The following AGBL4 variants were observed in gnomAD, a reference collection of about 807,000 sequenced individuals.
The protein encoded by AGBL4 is cytosolic carboxypeptidase 6.
Under a neutral mutation model 66.4 loss-of-function variants are expected in AGBL4, and 58 were observed. The observed-to-expected ratio is 0.87, with a 90% CI of 0.71 to 1.09. The LOEUF (loss-of-function observed/expected upper bound fraction) is 1.09. Ranked by LOEUF, AGBL4 falls within the 50% of genes least tolerant of loss-of-function variation. AGBL4 has a pLI of 0.00. For missense variants in AGBL4, 579 were observed against 631.0 expected (o/e 0.92, Z 0.88); for synonymous variants, 234 against 222.9 (o/e 1.05, Z -0.44).
downstream of AGBL4, among the ~76,000 whole-genome samples, chr1:48,528,010 T>C (rs1033850320): frequency 1.7e-4 from 26 of 151,744 alleles, no homozygotes; most frequent in Non-Finnish European, 2.6e-4. Context: ...AGGTAGGAAA[T>C]AATGGTGGGA....
intron 1 of AGBL4, among the ~76,000 whole-genome samples, chr1:49,885,903 A>C (rs1050818973): frequency 6.6e-6 from 1 of 152,176 alleles, no homozygotes; most frequent in African/African-American, 2.4e-5. Context: ...TGTGGACCTA[A>C]GGCTGAATAC....
intron 2 of AGBL4, among the ~76,000 whole-genome samples, chr1:49,698,054 T>C (rs537541496): frequency 1.3e-5 from 2 of 152,280 alleles, no homozygotes; most frequent in Admixed American, 1.3e-4. Flanking sequence ...AAAAAATGTG[T>C]AAACTTAGGT....
intron 5 of AGBL4, among the ~76,000 whole-genome samples, chr1:48,993,704 G>T (rs1660784391): frequency 6.6e-6 from 1 of 152,092 alleles, no homozygotes. Context: ...CTCTGGTTTG[G>T]GCTGGTCTGG....
intron 3 of AGBL4, among the ~76,000 whole-genome samples, chr1:49,685,811 C>G (rs1266880714): frequency 6.6e-6 from 1 of 152,104 alleles, no homozygotes; most frequent in Non-Finnish European, 1.5e-5. Flanking sequence ...TCGTCAAGTG[C>G]ATAGTTTGCA....
intron 5 of AGBL4, among the ~76,000 whole-genome samples, chr1:48,940,302 C>T (rs57975762): frequency 0.11 from 16,169 of 152,074 alleles, 955 homozygotes; most frequent in African/African-American, 0.12. Flanking sequence ...TGCTTGAACC[C>T]AGGAGGCGGA....
chr1:49,000,721 C>T (rs1169442353), intron 5 of AGBL4, among the ~76,000 whole-genome samples: 1 of 152,180 alleles, frequency 6.6e-6, no homozygotes, highest in Non-Finnish European at 1.5e-5. Context: ...TTAAAGACAA[C>T]TCTAGAGTAC....
intron 1 of AGBL4, among the ~76,000 whole-genome samples, chr1:49,957,308 T>A (rs967671941): frequency 6.6e-6 from 1 of 152,110 alleles, no homozygotes; most frequent in Non-Finnish European, 1.5e-5. Flanking sequence ...ATAAGTGCGA[T>A]GTGGTGCTGA....
chr1:49,496,639 C>T (rs1306393263), intron 3 of AGBL4, among the ~76,000 whole-genome samples: 3 of 147,398 alleles, frequency 2.0e-5, no homozygotes, highest in Non-Finnish European at 4.5e-5. Context: ...TCTTTCTGTG[C>T]CTGTATTATT....
chr1:48,776,331 AGAG>A (rs1304482897), intron 6 of AGBL4, among the ~76,000 whole-genome samples: 2 of 152,216 alleles, frequency 1.3e-5, no homozygotes, highest in Admixed American at 6.5e-5. Context: ...AGAATCAGAA[AGAG>A]GAGGACAGAC....
At chr1:49,682,052 T>A (rs1338014169) in intron 3 of AGBL4, among the ~76,000 whole-genome samples, 1 of 152,178 alleles carries the variant, frequency 6.6e-6, no homozygotes, top group Non-Finnish European at 1.5e-5. Context: ...AAAATAAATC[T>A]GGAATTAAGA....
chr1:49,479,954 G>C (rs1321305498), intron 3 of AGBL4, among the ~76,000 whole-genome samples: 1 of 151,710 alleles, frequency 6.6e-6, no homozygotes, highest in Non-Finnish European at 1.5e-5. Flanking sequence ...TGATCCACCC[G>C]CCTCGACCTC....
intron 1 of AGBL4, 82 bp downstream of exon 1, chr1:50,023,681 A>T: frequency 6.8e-7 from 1 of 1,475,088 alleles, no homozygotes; most frequent in African/African-American, 1.4e-5. Flanking sequence ...CAGGAGTAGG[A>T]CCATGCCCGA....
At chr1:48,556,738 A>G (rs570745123) in intron 11 of AGBL4, among the ~76,000 whole-genome samples, 2 of 152,312 alleles carry the variant, frequency 1.3e-5, no homozygotes, top group East Asian at 3.9e-4. Context: ...TCATGATGGT[A>G]AATTTACATT....
chr1:49,517,520 G>C lies in AGBL4; in HGVS notation c.282+179793C>G, dbSNP rs550107360. ...GGGTCAGAGAAGCATGAAGACAAAG[G>C]AGAATGAGGGTCATTTATTCAATAA... On this transcript the variant is annotated intron_variant, in intron 3 of 13. Transcript: ENST00000371839. 1.2e-4 allele frequency among the ~76,000 whole-genome samples: 18 copies of C among 152,030 alleles called. 1 individual carries two copies. The highest frequency in any genetic ancestry group is 1.2e-3 in the East Asian group (6 of 5,162).
intron 3 of AGBL4, among the ~76,000 whole-genome samples, chr1:49,547,411 T>G (rs777435090): frequency 5.3e-5 from 8 of 152,222 alleles, no homozygotes; most frequent in Non-Finnish European, 1.2e-4. Flanking sequence ...TATGGCCTTA[T>G]AGCATAGTTT....
intron 6 of AGBL4, among the ~76,000 whole-genome samples, chr1:48,688,256 A>G (rs77831227): frequency 0.031 from 4,680 of 151,848 alleles, 246 homozygotes; most frequent in African/African-American, 0.1. Flanking sequence ...GGAGTTGAGG[A>G]CCTCTCACTC....
At chr1:48,754,908 C>T (rs965852316) in intron 6 of AGBL4, among the ~76,000 whole-genome samples, 19 of 152,064 alleles carry the variant, frequency 1.2e-4, no homozygotes, top group African/African-American at 4.1e-4. Context: ...GTCAGAAGAC[C>T]CTTAGGAATA....
rs529216575 is a variant in AGBL4 at position 49,506,305 on chromosome 1, A to T, written c.282+191008T>A. The stretch of plus-strand genomic sequence containing the variant: ...CACAAATTTTTATTAGAAAAATGTA[A>T]CATATAATAATAGCAAATTAACTTT... On this transcript the variant is annotated intron_variant, in intron 3 of 13. Transcript: ENST00000371839. Among the ~76,000 whole-genome samples, 12 of 152,228 alleles carry T rather than the reference A, an allele frequency of 7.9e-5. No homozygotes were observed. In the South Asian group the frequency reaches 2.5e-3, roughly 32 times the overall value.
At chr1:48,606,193 C>CT (rs11358754) in intron 9 of AGBL4, among the ~76,000 whole-genome samples, 23 of 149,402 alleles carry the variant, frequency 1.5e-4, no homozygotes, top group South Asian at 8.5e-4. Flanking sequence ...TGTGCTTGGG[C>CT]TTTTTTTTTT....
Sources: allele counts gnomAD v4.1 joint callset (sites outside exome capture counted in the v4.1 genomes callset), GRCh38; gene constraint gnomAD v4.1.1; transcripts MANE v1.5; gene names NCBI Gene and HGNC (gene_info 2026-07-23, HGNC 2026-07-21).